RNLS: variants seen among roughly 807,000 people sequenced by gnomAD.
The protein encoded by RNLS is renalase, FAD dependent amine oxidase.
RNLS carries 39 observed loss-of-function variants against 39.8 expected under a neutral mutation model. The ratio of observed to expected loss-of-function variants is 0.98; its 90% CI spans 0.76 to 1.28. RNLS has a LOEUF of 1.28. RNLS is among the 50% of genes most tolerant of loss of function. RNLS has a pLI of 0.00. For synonymous variants in RNLS, 147 were observed against 150.7 expected, an observed-to-expected ratio of 0.98 and a Z score of 0.18; for missense variants, 410 against 413.3, an observed-to-expected ratio of 0.99 and a Z score of 0.07.
chr10:88,485,279 G>C (rs1414984601), intron 4 of RNLS, among the ~76,000 whole-genome samples: 1 of 151,888 alleles, frequency 6.6e-6, no homozygotes, highest in Non-Finnish European at 1.5e-5. Flanking sequence ...CAGGTCAATG[G>C]GATAGAGTAG....
chr10:88,264,372 T>A, the RNLS span, among the ~76,000 whole-genome samples: 1 of 152,036 alleles, frequency 6.6e-6, no homozygotes, highest in East Asian at 1.9e-4. Context: ...GTAGTTCTAT[T>A]TTTAGTTCTT....
In RNLS at chr10:88,359,035, G is replaced by A. The variant is rs192889710; in HGVS notation, c.700+3517C>T. 5.8e-3 allele frequency among the ~76,000 whole-genome samples: 889 copies of A among 152,244 alleles called. 13 individuals are homozygous for A. The highest frequency in any genetic ancestry group is 0.02 in the African/African-American group (832 of 41,552). Reference sequence around the variant, plus strand: ...TGGCATAAAGAAACATCTCCTGGCCGGGTACAGTGGCTCATGCCTGTAATC... The same window carrying A: ...TGGCATAAAGAAACATCTCCTGGCCAGGTACAGTGGCTCATGCCTGTAATC... On this transcript the variant is annotated intron_variant, in intron 5 of 6. Coordinates refer to ENST00000331772, the MANE Select transcript of RNLS (RefSeq NM_001031709.3).
chr10:88,190,720 C>G, the RNLS span, among the ~76,000 whole-genome samples: 4 of 152,120 alleles, frequency 2.6e-5, no homozygotes, highest in African/African-American at 9.7e-5. Context: ...TGTTCTCCAC[C>G]CTCCTCCTCC....
chr10:88,177,212 T>C, the RNLS span, among the ~76,000 whole-genome samples: 604 of 152,314 alleles, frequency 4.0e-3, 4 homozygotes, highest in Middle Eastern at 0.014. Flanking sequence ...ACTTCCATTA[T>C]GCAAATATTT....
chr10:88,313,693 G>A (rs192545136), intron 6 of RNLS, among the ~76,000 whole-genome samples: 4 of 152,282 alleles, frequency 2.6e-5, no homozygotes, highest in African/African-American at 9.6e-5. Context: ...TGATAAATCA[G>A]TTCGTCAACA....
chr10:88,230,105 T>C, the RNLS span, among the ~76,000 whole-genome samples: 3 of 152,312 alleles, frequency 2.0e-5, no homozygotes, highest in South Asian at 6.2e-4. Flanking sequence ...ATTCCTCAGG[T>C]TGAAGATGAG....
chr10:88,522,188 C>T (rs1273175107), intron 4 of RNLS, among the ~76,000 whole-genome samples: 2 of 152,034 alleles, frequency 1.3e-5, no homozygotes, highest in South Asian at 2.1e-4. Context: ...TTTGTCAATA[C>T]ATTAATAGTT....
the RNLS span, among the ~76,000 whole-genome samples, chr10:88,247,320 G>A: frequency 6.6e-6 from 1 of 152,210 alleles, no homozygotes; most frequent in Non-Finnish European, 1.5e-5. Context: ...ATACTTAGGA[G>A]TTTGCCAGAT....
chr10:88,273,070 A>G (rs1303854736), downstream of RNLS, among the ~76,000 whole-genome samples: 1 of 152,148 alleles, frequency 6.6e-6, no homozygotes, highest in Non-Finnish European at 1.5e-5. Flanking sequence ...ATCACTGTGG[A>G]TGGTGGTCAC....
chr10:88,516,459 T>C (rs1007676096), intron 4 of RNLS, among the ~76,000 whole-genome samples: 1 of 152,084 alleles, frequency 6.6e-6, no homozygotes, highest in African/African-American at 2.4e-5. Context: ...CTTTCAGTTA[T>C]AATTCTTACG....
intron 4 of RNLS, among the ~76,000 whole-genome samples, chr10:88,380,118 C>T (rs900262163): frequency 3.9e-5 from 6 of 152,104 alleles, no homozygotes; most frequent in South Asian, 2.1e-4. Context: ...ATTGCAACAA[C>T]GAAGGAGGTT....
intron 6 of RNLS, chr10:88,309,346 C>A: frequency 8.8e-7 from 1 of 1,142,330 alleles, no homozygotes. Context: ...TATCAATCAC[C>A]ACCTGACTTT....
chr10:88,469,592 CTTCT>C (rs1189301042), intron 4 of RNLS, among the ~76,000 whole-genome samples: 2 of 152,118 alleles, frequency 1.3e-5, no homozygotes, highest in African/African-American at 4.8e-5. Flanking sequence ...TATTGCAGGA[CTTCT>C]TTGATATACA....
chr10:88,269,060 TAG>T (rs1309627401), downstream of RNLS, among the ~76,000 whole-genome samples: 2 of 152,226 alleles, frequency 1.3e-5, no homozygotes, highest in Non-Finnish European at 2.9e-5. Flanking sequence ...AAATGTTCAC[TAG>T]AGTCAGAAAA....
intron 4 of RNLS, among the ~76,000 whole-genome samples, chr10:88,548,661 T>TAA (rs1554927236): frequency 5.4e-5 from 8 of 147,316 alleles, no homozygotes; most frequent in African/African-American, 7.4e-5. Context: ...TATATATATA[T>TAA]AATATTTAAT....
intron 4 of RNLS, among the ~76,000 whole-genome samples, chr10:88,481,006 T>C (rs1182909696): frequency 6.6e-6 from 1 of 152,172 alleles, no homozygotes; most frequent in Non-Finnish European, 1.5e-5. Flanking sequence ...TGGGGCTCTA[T>C]TGCCAGGTGT....
chr10:88,548,661 T>TATAA lies in RNLS; in HGVS notation c.526+24241_526+24242insTTAT, dbSNP rs944676981. 4.8e-5 allele frequency among the ~76,000 whole-genome samples: 7 copies of TATAA among 147,316 alleles called. No homozygotes were observed. The East Asian group carries it at 5.8e-4, about 12-fold the overall frequency. On this transcript the variant is annotated intron_variant, in intron 4 of 6. Coordinates refer to ENST00000331772, the MANE Select transcript of RNLS (RefSeq NM_001031709.3). ...CTCAAAATATACATATATATATATATAATATTTAATACATATATACATTTA... is the reference window on the plus strand; with the variant it reads ...CTCAAAATATACATATATATATATATATAAAATATTTAATACATATATACATTTA...
At chr10:88,224,360 T>C in the RNLS span, among the ~76,000 whole-genome samples, 1 of 152,156 alleles carries the variant, frequency 6.6e-6, no homozygotes, top group African/African-American at 2.4e-5. Flanking sequence ...GTCATTAAGC[T>C]TCAAAGTGAA....
chr10:88,408,980 A>C (rs1389000820), intron 4 of RNLS, among the ~76,000 whole-genome samples: 1 of 152,174 alleles, frequency 6.6e-6, no homozygotes, highest in Non-Finnish European at 1.5e-5. Flanking sequence ...ATTTCTGAAA[A>C]TGTAATTTAA....
Sources: gnomAD v4.1 joint callset for allele counts (sites outside exome capture counted in the v4.1 genomes callset) on GRCh38, gnomAD v4.1.1 for gene constraint, MANE v1.5 for transcripts, NCBI Gene and HGNC (gene_info 2026-07-23, HGNC 2026-07-21) for gene names.